The following TMEM272 variants were observed in gnomAD, a reference collection of about 807,000 sequenced individuals.
The protein encoded by TMEM272 is transmembrane protein 272, also known as long intergenic non-protein coding RNA 282.
TMEM272 carries 8 observed loss-of-function variants against 3.7 expected under a neutral mutation model. That is an observed-to-expected ratio of 2.17 (90% CI 1.27 to 3.91). TMEM272 has a LOEUF of 3.91. Among genes scored for constraint, TMEM272 ranks in the 30% most tolerant of loss-of-function variants. The probability of loss-of-function intolerance (pLI) is 0.00; values close to 1 mark genes in which losing one functional copy is unlikely to be tolerated. For missense variants in TMEM272, 166 were observed against 91.5 expected, an observed-to-expected ratio of 1.81 and a Z score of -3.32; for synonymous variants, 63 against 39.8, an observed-to-expected ratio of 1.58 and a Z score of -2.20.
Position 51,842,166 on chromosome 13 carries a change from T to C in TMEM272, c.-24+2850A>G, listed in dbSNP as rs1395180538. Among the ~76,000 whole-genome samples the C allele has an allele frequency of 4.6e-5, 7 of 152,228 alleles. No homozygotes were observed. In the East Asian group the frequency reaches 7.7e-4, roughly 17 times the overall value. ...AATAACTGTTCCCTATGAAGGCAGG[T>C]ACAGGGATATGGGGCCACTGGGGCT... On this transcript the variant is annotated intron_variant, in intron 1 of 4. Transcript: ENST00000629372.
At chr13:51,835,652 A>G (rs1418576353) in intron 2 of TMEM272, among the ~76,000 whole-genome samples, 2 of 152,246 alleles carry the variant, frequency 1.3e-5, no homozygotes, top group Non-Finnish European at 2.9e-5. Flanking sequence ...ATTTGCATCT[A>G]TGTACTATTT....
At chr13:51,864,029 C>T in the TMEM272 span, among the ~76,000 whole-genome samples, 1 of 152,170 alleles carries the variant, frequency 6.6e-6, no homozygotes, top group Non-Finnish European at 1.5e-5. Context: ...ATTCTGCTAT[C>T]TGATTCCTCA....
At chr13:51,874,475 G>A in the TMEM272 span, among the ~76,000 whole-genome samples, 1 of 152,286 alleles carries the variant, frequency 6.6e-6, no homozygotes, top group Non-Finnish European at 1.5e-5. Context: ...GATGAATGAA[G>A]GAAAGAATAT....
At chr13:51,846,174 C>T (rs1295170867), upstream of TMEM272, among the ~76,000 whole-genome samples, 1 of 152,214 alleles carries the variant, frequency 6.6e-6, no homozygotes, top group African/African-American at 2.4e-5. Flanking sequence ...TCCAAGGTGA[C>T]CACTTCACAC....
At chr13:51,889,568 A>G in the TMEM272 span, among the ~76,000 whole-genome samples, 2 of 152,152 alleles carry the variant, frequency 1.3e-5, no homozygotes, top group African/African-American at 4.8e-5. Flanking sequence ...TTCAGCTTCT[A>G]GAACTGTGAG....
At chr13:51,866,064 C>G in the TMEM272 span, 1 of 1,582,210 alleles carries the variant, frequency 6.3e-7, no homozygotes, top group Non-Finnish European at 8.6e-7. Flanking sequence ...CTGGCCTTCT[C>G]CCGAGGCAGG....
chr13:51,875,462 G>A, the TMEM272 span, among the ~76,000 whole-genome samples: 4 of 152,256 alleles, frequency 2.6e-5, no homozygotes, highest in African/African-American at 9.6e-5. Context: ...AGTTTAACAC[G>A]CTACTTACAC....
At chr13:51,828,364 G>A (rs577477804) in intron 2 of TMEM272, among the ~76,000 whole-genome samples, 126 of 152,246 alleles carry the variant, frequency 8.3e-4, no homozygotes, top group African/African-American at 2.6e-3. Context: ...GGAGCCTCAC[G>A]TGCACACCAC....
chr13:51,894,917 G>A, the TMEM272 span, among the ~76,000 whole-genome samples: 2 of 151,928 alleles, frequency 1.3e-5, no homozygotes, highest in Middle Eastern at 3.2e-3. Flanking sequence ...CCATCTGGGG[G>A]TCATGGGAGA....
upstream of TMEM272, among the ~76,000 whole-genome samples, chr13:51,849,487 G>A (rs1407451289): frequency 6.6e-6 from 1 of 152,222 alleles, no homozygotes; most frequent in Non-Finnish European, 1.5e-5. Flanking sequence ...TTTATGTTAT[G>A]TGTATTTTAG....
the TMEM272 span, among the ~76,000 whole-genome samples, chr13:51,897,623 G>T: frequency 6.6e-6 from 1 of 151,782 alleles, no homozygotes; most frequent in Non-Finnish European, 1.5e-5. Flanking sequence ...GAAAAAAATA[G>T]TTGAAAAGAT....
chr13:51,813,585 T>C lies in TMEM272; in HGVS notation c.*3166A>G. On this transcript the variant is annotated 3_prime_UTR_variant, in exon 5 of 5. Transcript: ENST00000629372. Reference sequence around the variant, plus strand: ...GTGTGGCCCGAGTGCACACATGCGGTTTCTCTGGCCACCGAATCAGAACCA... The same window carrying C: ...GTGTGGCCCGAGTGCACACATGCGGCTTCTCTGGCCACCGAATCAGAACCA... 4.0e-6 allele frequency: 1 copy of C among 252,944 alleles called. No homozygotes were observed. Among genetic ancestry groups the C allele is most frequent in the South Asian group, 1.8e-4 (1 of 5,664 alleles). The allele number at this position is 252,944 out of a possible 1,614,324, so 15.7% of individuals were successfully genotyped here.
At chr13:51,844,955 G>C (rs551301052) in intron 1 of TMEM272, 61 bp downstream of exon 1, 4 of 152,202 alleles carry the variant, frequency 2.6e-5, no homozygotes, top group African/African-American at 9.7e-5. Flanking sequence ...ATGATTTCAA[G>C]AAACCCTCTG....
chr13:51,878,507 A>C, the TMEM272 span, among the ~76,000 whole-genome samples: 1 of 152,194 alleles, frequency 6.6e-6, no homozygotes, highest in African/African-American at 2.4e-5. Flanking sequence ...CATGGGGGGG[A>C]ATGCCCCCAT....
upstream of TMEM272, among the ~76,000 whole-genome samples, chr13:51,846,507 A>C (rs1416863330): frequency 8.8e-6 from 1 of 113,500 alleles, no homozygotes. Context: ...AAAACAACGA[A>C]GTCACTGCTT....
chr13:51,862,763 A>T, the TMEM272 span, among the ~76,000 whole-genome samples: 1 of 152,200 alleles, frequency 6.6e-6, no homozygotes, highest in Non-Finnish European at 1.5e-5. Context: ...CCAGCATGAC[A>T]TGGAAGTGAG....
At chr13:51,898,572 T>C in the TMEM272 span, among the ~76,000 whole-genome samples, 1 of 150,338 alleles carries the variant, frequency 6.7e-6, no homozygotes, top group Non-Finnish European at 1.5e-5. Context: ...GTAGGAGTAA[T>C]GTAAGGGTTA....
At chr13:51,931,756 A>G in the TMEM272 span, among the ~76,000 whole-genome samples, 2 of 151,966 alleles carry the variant, frequency 1.3e-5, no homozygotes, top group African/African-American at 2.4e-5. Context: ...GTACCCAGGC[A>G]TCCGGAAAAA....
intron 3 of TMEM272, among the ~76,000 whole-genome samples, chr13:51,824,942 G>A (rs977941961): frequency 9.9e-5 from 15 of 152,190 alleles, no homozygotes; most frequent in African/African-American, 3.1e-4. Flanking sequence ...GACAGAGTGA[G>A]ACCCTGTCTC....
Sources: allele counts gnomAD v4.1 joint callset (sites outside exome capture counted in the v4.1 genomes callset), GRCh38; gene constraint gnomAD v4.1.1; transcripts MANE v1.5; gene names NCBI Gene and HGNC (gene_info 2026-07-23, HGNC 2026-07-21).